The following SENP5 variants were observed in gnomAD, a reference collection of about 807,000 sequenced individuals.
SENP5 encodes the protein sentrin-specific protease 5.
In SENP5, 21 loss-of-function variants were observed where a neutral mutation model predicts 74.2. The ratio of observed to expected loss-of-function variants is 0.28; its 90% CI spans 0.20 to 0.41. The LOEUF (loss-of-function observed/expected upper bound fraction) is 0.41. Ranked by LOEUF, SENP5 falls within the 10% of genes least tolerant of loss-of-function variation. SENP5 has a pLI of 1.00. For missense variants in SENP5, 717 were observed against 889.1 expected (o/e 0.81, Z 2.46); for synonymous variants, 311 against 312.7 (o/e 0.99, Z 0.06).
At chr3:196,914,699 G>A (rs1715301682) in intron 6 of SENP5, 1 of 147,702 alleles carries the variant, frequency 6.8e-6, no homozygotes, top group Admixed American at 6.8e-5. Context: ...TGGCAGAATA[G>A]TACCCTTCAA....
At position 196,886,521 on chromosome 3, in the gene SENP5, C is replaced by T; in HGVS notation, c.1340C>T (p.Ser447Phe). Reference protein sequence around the residue: ...ENSYQMEEDGSLKQSILSSEL... With the variant: ...ENSYQMEEDGFLKQSILSSEL... Reference sequence around the variant, plus strand: ...TCATACCAGATGGAGGAGGATGGATCTCTCAAGCAGAGCATTCTTAGTTCT... The same window carrying T: ...TCATACCAGATGGAGGAGGATGGATTTCTCAAGCAGAGCATTCTTAGTTCT... The change falls in exon 2 of 10, where the codon TCT becomes TTT. Residue 447 changes from serine to phenylalanine, a missense_variant. Coordinates refer to ENST00000323460, the MANE Select transcript of SENP5 (RefSeq NM_152699.5). The T allele has an allele frequency of 1.9e-6, 3 of 1,613,554 alleles. No homozygotes were observed. Among genetic ancestry groups the T allele is most frequent in the Non-Finnish European group, 1.7e-6 (2 of 1,179,800 alleles).
At position 196,869,204 on chromosome 3, in the gene SENP5, T is replaced by A. The variant is rs1236681942; in HGVS notation, c.-32+1131T>A. 3.3e-5 allele frequency among the ~76,000 whole-genome samples: 5 copies of A among 151,136 alleles called. No individual in the cohort carries two copies. The East Asian group carries it at 9.8e-4, about 30-fold the overall frequency. On this transcript the variant is annotated intron_variant, in intron 1 of 9. Coordinates refer to ENST00000323460, the MANE Select transcript of SENP5 (RefSeq NM_152699.5). The stretch of plus-strand genomic sequence containing the variant: ...GCTTCATTTACACCTGGGCTCACAA[T>A]TTTTTTTTGGAGGGGGGACAGGGTC...
intron 2 of SENP5, among the ~76,000 whole-genome samples, chr3:196,891,189 C>A (rs1324127782): frequency 6.6e-6 from 1 of 152,120 alleles, no homozygotes; most frequent in East Asian, 1.9e-4. Flanking sequence ...AAGCCAGACA[C>A]AAAAGGCCTT....
chr3:196,883,582 C>T (rs2108814397), intron 1 of SENP5, among the ~76,000 whole-genome samples: 1 of 152,280 alleles, frequency 6.6e-6, no homozygotes, highest in Middle Eastern at 3.4e-3. Flanking sequence ...GCTTCTTATT[C>T]AGACTTTGAG....
chr3:196,874,239 C>T (rs543114333), intron 1 of SENP5, among the ~76,000 whole-genome samples: 6 of 86,022 alleles, frequency 7.0e-5, no homozygotes, highest in African/African-American at 2.9e-4. Context: ...AATCTGCAGT[C>T]TTTATCCAGA....
rs989407734 is a variant in SENP5, at chr3:196,923,306, C to G, written c.1885-108C>G. ...TCAAATTCTGGTTCATTGCTTCCTA[C>G]TTTTTTGCCCTTGTGCAGGTCAAAG... On this transcript the variant is annotated intron_variant, in intron 6 of 9. Transcript: ENST00000323460. 9.8e-6 allele frequency: 12 copies of G among 1,226,858 alleles called. No individual in the cohort carries two copies. In the South Asian group the frequency reaches 1.1e-4, roughly 11 times the overall value. 76.0% of individuals were successfully genotyped at this position (1,226,858 alleles called of 1,614,324 possible). A position where few individuals can be genotyped will look rare whatever the true frequency, so the allele number is the denominator to read the frequency against.
intron 6 of SENP5, among the ~76,000 whole-genome samples, chr3:196,917,096 T>G (rs1715411019): frequency 6.6e-6 from 1 of 151,994 alleles, no homozygotes; most frequent in African/African-American, 2.4e-5. Context: ...ATCATGCCAT[T>G]GCACTCCAGC....
chr3:196,884,413 T>G (rs552568501), intron 1 of SENP5, among the ~76,000 whole-genome samples: 1 of 152,316 alleles, frequency 6.6e-6, no homozygotes, highest in Non-Finnish European at 1.5e-5. Context: ...TAACTTCCCC[T>G]CAGGATTTAA....
chr3:196,899,332 G>T (rs1007729665), intron 2 of SENP5, among the ~76,000 whole-genome samples: 4 of 152,136 alleles, frequency 2.6e-5, no homozygotes, highest in Non-Finnish European at 4.4e-5. Flanking sequence ...AAGCCCTTTA[G>T]AAGTCACGCT....
At chr3:196,903,493 C>T (rs751995513) in intron 5 of SENP5, 40 bp from the exon 6 acceptor site, 4 of 1,313,582 alleles carry the variant, frequency 3.0e-6, no homozygotes, top group Non-Finnish European at 4.3e-6. Context: ...TGGGCACAGC[C>T]TAATATAATC....
intron 6 of SENP5, among the ~76,000 whole-genome samples, chr3:196,909,235 A>G (rs1715025061): frequency 6.6e-6 from 1 of 152,212 alleles, no homozygotes; most frequent in African/African-American, 2.4e-5. Context: ...GTCTGAATAG[A>G]CCAATAACAA....
At chr3:196,927,292 C>A (rs1041335112) in intron 7 of SENP5, among the ~76,000 whole-genome samples, 12 of 152,126 alleles carry the variant, frequency 7.9e-5, no homozygotes, top group Admixed American at 4.6e-4. Context: ...TGAAGACTTT[C>A]TTTTTGACTT....
chr3:196,896,015 A>AT (rs1300249243), intron 2 of SENP5, among the ~76,000 whole-genome samples: 3 of 152,092 alleles, frequency 2.0e-5, no homozygotes, highest in African/African-American at 7.2e-5. Flanking sequence ...TACCAATTGC[A>AT]TTTTTCCTTT....
At chr3:196,900,098 G>A (rs1306173237) in intron 4 of SENP5, 36 bp downstream of exon 4, 2 of 1,593,316 alleles carry the variant, frequency 1.3e-6, no homozygotes, top group Non-Finnish European at 1.7e-6. Context: ...TGGAGAAGTT[G>A]CAGAGGATGT....
intron 1 of SENP5, among the ~76,000 whole-genome samples, chr3:196,875,744 T>C (rs1486101730): frequency 1.3e-5 from 2 of 152,198 alleles, no homozygotes; most frequent in Non-Finnish European, 2.9e-5. Context: ...TTTTTTATTT[T>C]TTTGAGACAG....
chr3:196,903,502 T>C, intron 5 of SENP5, 31 bp from the exon 6 acceptor site: 1 of 1,450,950 alleles, frequency 6.9e-7, no homozygotes, highest in Non-Finnish European at 9.5e-7. Flanking sequence ...CCTAATATAA[T>C]CTGGTTGCTT....
intron 5 of SENP5, 133 bp from the exon 6 acceptor site, chr3:196,903,400 T>C: frequency 1.9e-6 from 1 of 539,112 alleles, no homozygotes; most frequent in East Asian, 3.2e-5. Flanking sequence ...TCCTCAATCA[T>C]TGTTTTTATG....
chr3:196,922,106 T>C (rs924067124), intron 6 of SENP5, among the ~76,000 whole-genome samples: 1 of 152,226 alleles, frequency 6.6e-6, no homozygotes, highest in African/African-American at 2.4e-5. Context: ...AATTTTGACA[T>C]TTGAGAGACC....
At chr3:196,929,496 T>G (rs2108868890) in intron 8 of SENP5, 137 bp from the exon 9 acceptor site, 64 of 563,066 alleles carry the variant, frequency 1.1e-4, no homozygotes, top group Non-Finnish European at 1.3e-4. Flanking sequence ...ATTAGATGCT[T>G]GAGATATCAG....
Sources: allele counts gnomAD v4.1 joint callset (sites outside exome capture counted in the v4.1 genomes callset), GRCh38; gene constraint gnomAD v4.1.1; transcripts MANE v1.5; gene names NCBI Gene and HGNC (gene_info 2026-07-23, HGNC 2026-07-21).